Variants in TRMT9B observed in about 807,000 individuals in gnomAD.
TRMT9B encodes the protein probable tRNA methyltransferase 9B.
A neutral mutation model predicts 11.5 loss-of-function variants in TRMT9B; 16 were observed. The ratio of observed to expected loss-of-function variants is 1.39; its 90% CI spans 0.94 to 2.11. The LOEUF (loss-of-function observed/expected upper bound fraction) is 2.11, where lower values mean the gene tolerates loss of function less well. Among genes scored for constraint, TRMT9B ranks in the 30% most tolerant of loss-of-function variants. The pLI is 0.00. For synonymous variants in TRMT9B, 274 were observed against 192.4 expected, an observed-to-expected ratio of 1.42 and a Z score of -3.51; for missense variants, 941 against 553.8, an observed-to-expected ratio of 1.70 and a Z score of -7.02.
intron 1 of TRMT9B, among the ~76,000 whole-genome samples, chr8:12,979,833 A>C (rs909705265): frequency 1.3e-5 from 2 of 152,204 alleles, no homozygotes; most frequent in South Asian, 4.1e-4. Flanking sequence ...GGATATCTTA[A>C]GCAGAGAAAA....
intron 1 of TRMT9B, among the ~76,000 whole-genome samples, chr8:12,985,380 C>T (rs1222877310): frequency 6.6e-6 from 1 of 152,138 alleles, no homozygotes; most frequent in Non-Finnish European, 1.5e-5. Flanking sequence ...TTAAGGAGTT[C>T]TGTGTAGAGG....
At chr8:13,011,810 G>T in intron 3 of TRMT9B, 2 of 958,770 alleles carry the variant, frequency 2.1e-6, no homozygotes, top group Non-Finnish European at 2.5e-6. Flanking sequence ...CATTTTAAAT[G>T]TAGCAATGAA....
chr8:12,969,304 C>A (rs2954170), intron 1 of TRMT9B, among the ~76,000 whole-genome samples: 43,128 of 152,024 alleles, frequency 0.28, 6,693 homozygotes, highest in East Asian at 0.62. Flanking sequence ...TGCTAGCTAC[C>A]TTTGGGCTCA....
chr8:12,989,633 G>A (rs965961733), intron 1 of TRMT9B, among the ~76,000 whole-genome samples: 6 of 152,138 alleles, frequency 3.9e-5, no homozygotes, highest in Non-Finnish European at 7.3e-5. Context: ...AAGGAAAGGC[G>A]CATAGACAAC....
At chr8:12,964,090 C>T (rs1310739239) in intron 1 of TRMT9B, among the ~76,000 whole-genome samples, 1 of 152,176 alleles carries the variant, frequency 6.6e-6, no homozygotes, top group Non-Finnish European at 1.5e-5. Flanking sequence ...TGCCCTAAAA[C>T]AGAGGTTTTA....
At chr8:12,997,744 C>T (rs936127757) in intron 2 of TRMT9B, among the ~76,000 whole-genome samples, 1 of 152,066 alleles carries the variant, frequency 6.6e-6, no homozygotes, top group Non-Finnish European at 1.5e-5. Context: ...CCATTTCTTT[C>T]GGATATATGT....
intron 2 of TRMT9B, among the ~76,000 whole-genome samples, chr8:12,998,066 C>G: frequency 6.6e-6 from 1 of 152,092 alleles, no homozygotes; most frequent in East Asian, 1.9e-4. Flanking sequence ...CTGTTAAAGT[C>G]TCTCGCCCAT....
rs182944431 is a variant in TRMT9B, at chr8:12,956,156, T to C, written c.-200+10190T>C. Among the ~76,000 whole-genome samples, 417 of 152,310 alleles carry C rather than the reference T, an allele frequency of 2.7e-3. 2 individuals carry two copies. The highest frequency in any genetic ancestry group is 9.4e-3 in the African/African-American group (390 of 41,562). On this transcript the variant is annotated intron_variant, in intron 1 of 4. Transcript: ENST00000524591. ...TGCAAGGGACTCTGGGAAATGCAGC[T>C]TATAGGTTTCTAGCCTCAAAGGTAG...
intron 1 of TRMT9B, chr8:12,951,758 G>T (rs1051575108): frequency 6.6e-6 from 1 of 151,946 alleles, no homozygotes; most frequent in Non-Finnish European, 1.5e-5. Flanking sequence ...CCCGACGGCT[G>T]TCGCGGGGCC....
chr8:13,010,768 G>T (rs771097202), intron 3 of TRMT9B: 25 of 983,176 alleles, frequency 2.5e-5, no homozygotes, highest in African/African-American at 3.5e-5. Flanking sequence ...GAATTGCAAG[G>T]TTATTTTTCT....
chr8:13,020,275 G>C (rs555811072), intron 4 of TRMT9B, among the ~76,000 whole-genome samples: 60 of 152,244 alleles, frequency 3.9e-4, no homozygotes, highest in African/African-American at 1.3e-3. Flanking sequence ...ACAATACCGT[G>C]ATTATACTCC....
chr8:13,010,543 A>C, intron 3 of TRMT9B: 1 of 985,016 alleles, frequency 1.0e-6, no homozygotes, highest in Non-Finnish European at 1.2e-6. Context: ...TTTAAACATG[A>C]AGGCCATTAG....
intron 2 of TRMT9B, among the ~76,000 whole-genome samples, chr8:12,992,083 C>T (rs958251504): frequency 6.6e-6 from 1 of 152,152 alleles, no homozygotes; most frequent in African/African-American, 2.4e-5. Flanking sequence ...CCAGCTTGTA[C>T]AGAGTAAAGT....
intron 1 of TRMT9B, among the ~76,000 whole-genome samples, chr8:12,966,270 C>G (rs1802810773): frequency 1.3e-5 from 2 of 152,166 alleles, no homozygotes; most frequent in South Asian, 4.1e-4. Flanking sequence ...GAGACCTTGT[C>G]TCTGTGCTCA....
rs1414471324 is a variant in TRMT9B at position 13,025,422 on chromosome 8, C to CAGGAGA, written c.*3380_*3385dup. 5.1e-5 allele frequency: 8 copies of CAGGAGA among 157,790 alleles called. No homozygotes were observed. Among genetic ancestry groups the CAGGAGA allele is most frequent in the African/African-American group, 1.9e-4 (8 of 41,462 alleles). The allele number at this position is 157,790 out of a possible 1,614,324, so 9.8% of individuals were successfully genotyped here. A position where few individuals can be genotyped will look rare whatever the true frequency, so the allele number is the denominator to read the frequency against. On this transcript the variant is annotated 3_prime_UTR_variant, in exon 5 of 5. Coordinates refer to ENST00000524591, the MANE Select transcript of TRMT9B (RefSeq NM_020844.3). Reference sequence around the variant, plus strand: ...ATCCCAGCTACTTGGGAGGCTGAGGCAGGAGAATCGCTTGAACCTGGGAGG... The same window carrying CAGGAGA: ...ATCCCAGCTACTTGGGAGGCTGAGGCAGGAGAAGGAGAATCGCTTGAACCTGGGAGG...
Position 13,028,506 on chromosome 8 carries a change from G to A in TRMT9B, c.*6462G>A, listed in dbSNP as rs75680385. ...CTTGATGTTGAATTCCCTGAAGAAG[G>A]TACAATTATATTTACATTCCCTTAG... is the stretch of plus-strand genomic sequence containing the variant. On this transcript the variant is annotated 3_prime_UTR_variant, in exon 5 of 5. Transcript: ENST00000524591. 3 of 166,216 alleles carry A rather than the reference G, an allele frequency of 1.8e-5. No individual in the cohort carries two copies. The highest frequency in any genetic ancestry group is 7.3e-5 in the African/African-American group (3 of 41,260). 10.3% of individuals were successfully genotyped at this position (166,216 alleles called of 1,614,324 possible). A position where few individuals can be genotyped will look rare whatever the true frequency, so the allele number is the denominator to read the frequency against.
intron 1 of TRMT9B, among the ~76,000 whole-genome samples, chr8:12,984,082 C>A (rs1336165717): frequency 2.6e-5 from 4 of 152,112 alleles, no homozygotes; most frequent in African/African-American, 7.2e-5. Flanking sequence ...GATAGTGACG[C>A]CTTTTCTTTC....
In TRMT9B at chr8:12,999,027, G is replaced by A. The variant is rs539548184; in HGVS notation, c.-1-7175G>A. Among the ~76,000 whole-genome samples the A allele has an allele frequency of 3.9e-5, 6 of 152,188 alleles. No homozygotes were observed. The South Asian group carries it at 6.2e-4, about 16-fold the overall frequency. On this transcript the variant is annotated intron_variant, in intron 2 of 4. Coordinates refer to ENST00000524591, the MANE Select transcript of TRMT9B (RefSeq NM_020844.3). The stretch of plus-strand genomic sequence containing the variant: ...AAGAAAGATTGTTCAGGGGCTGGGC[G>A]CAGTGGCTCACGCCTGTAATCCTAG...
chr8:12,959,712 G>C (rs1382533639), intron 1 of TRMT9B, among the ~76,000 whole-genome samples: 1 of 151,250 alleles, frequency 6.6e-6, no homozygotes, highest in Non-Finnish European at 1.5e-5. Context: ...GTGTATACTA[G>C]GTCTCACAAA....
Sources: allele counts gnomAD v4.1 joint callset (sites outside exome capture counted in the v4.1 genomes callset), GRCh38; gene constraint gnomAD v4.1.1; transcripts MANE v1.5; gene names NCBI Gene and HGNC (gene_info 2026-07-23, HGNC 2026-07-21).